The following MUC5AC variants were observed in gnomAD, a reference collection of about 807,000 sequenced individuals.
MUC5AC encodes mucin 5AC, oligomeric mucus/gel-forming, also known as mucin-5AC.
MUC5AC carries 158 observed loss-of-function variants against 169.7 expected under a neutral mutation model. That is an observed-to-expected ratio of 0.93 (90% CI 0.82 to 1.06). The LOEUF (loss-of-function observed/expected upper bound fraction) is 1.06. MUC5AC is among the 50% of genes least tolerant of loss of function. The pLI, the probability that MUC5AC is intolerant of heterozygous loss-of-function variation, is 0.00. For missense variants in MUC5AC, 4,359 were observed against 3,089.9 expected, an observed-to-expected ratio of 1.41 and a Z score of -9.74; for synonymous variants, 1,975 against 1,237.0, an observed-to-expected ratio of 1.60 and a Z score of -12.52.
chr11:1,183,698 C>T lies in MUC5AC; in HGVS notation c.5553C>T (p.Ser1851=). The change falls in exon 31 of 49, where the codon TCC becomes TCT. Residue 1851 remains serine, a synonymous_variant. Transcript: ENST00000621226. The part of the protein sequence containing the change: ...CETPRGCHMT[S]TPGSTSSSPA... The stretch of plus-strand genomic sequence containing the variant: ...CCCCCAGAGGCTGCCACATGACCTC[C>T]ACACCTGGCTCCACCTCTAGCAGTC... 1.6e-6 allele frequency: 1 copy of T among 626,316 alleles called. No individual in the cohort carries two copies. The highest frequency in any genetic ancestry group is 1.9e-5 in the African/African-American group (1 of 53,756). 38.8% of individuals were successfully genotyped at this position (626,316 alleles called of 1,614,324 possible). A position where few individuals can be genotyped will look rare whatever the true frequency, so the allele number is the denominator to read the frequency against.
At position 1,187,264 on chromosome 11, in the gene MUC5AC, C is replaced by G. The variant is rs2133760365; in HGVS notation, c.9119C>G (p.Pro3040Arg). ...SAPTTSTTST[P>R]TSSTTSSPQT... ...CCTACAACCAGCACAACCTCTACCC[C>G]TACAAGCAGCACAACCTCCTCTCCA... Residue 3040 changes from proline (P) to arginine (R), a missense_variant, in exon 31 of 49, where the codon CCT (proline) becomes CGT (arginine). By Grantham distance (103) the Pro-to-Arg change is moderately radical. Coordinates refer to ENST00000621226, the MANE Select transcript of MUC5AC (RefSeq NM_001304359.2). 1.4e-6 allele frequency: 1 copy of G among 696,204 alleles called. No individual in the cohort carries two copies. The highest frequency in any genetic ancestry group is 2.6e-6 in the Non-Finnish European group (1 of 382,254). 43.1% of individuals were successfully genotyped at this position (696,204 alleles called of 1,614,324 possible). A position where few individuals can be genotyped will look rare whatever the true frequency, so the allele number is the denominator to read the frequency against.
intron 15 of MUC5AC, among the ~76,000 whole-genome samples, chr11:1,170,938 TTCACCCACTCACCTACTCAC>T (rs1860496132): frequency 1.2e-5 from 1 of 80,426 alleles, no homozygotes; most frequent in African/African-American, 5.6e-5. Context: ...CACTCACCCA[TTCACCCACTCACCTACTCAC>T]TCACCCACTC....
rs1366807269 is a variant in MUC5AC, at chr11:1,185,882, C to T, written c.7737C>T (p.Ser2579=). The part of the protein sequence containing the change: ...GTTPSPVPTT[S]TTSAPTTSTT... ...CTCCCAGCCCTGTTCCTACCACGAG[C>T]ACAACCTCTGCTCCTACAACCAGCA... is the stretch of plus-strand genomic sequence containing the variant. The change falls in exon 31 of 49, where the codon AGC becomes AGT. Residue 2579 remains serine, a synonymous_variant. Coordinates refer to ENST00000621226, the MANE Select transcript of MUC5AC (RefSeq NM_001304359.2). 5.1e-5 allele frequency: 38 copies of T among 748,234 alleles called. No homozygotes were observed. Among genetic ancestry groups the T allele is most frequent in the Non-Finnish European group, 8.1e-5 (33 of 409,802 alleles). 46.3% of individuals were successfully genotyped at this position (748,234 alleles called of 1,614,324 possible).
intron 6 of MUC5AC, 135 bp from the exon 7 acceptor site, chr11:1,163,747 C>A: frequency 1.5e-6 from 1 of 678,516 alleles, no homozygotes; most frequent in Admixed American, 2.5e-5. Context: ...ACTCAGGCAT[C>A]CAGATGGGGC....
Position 1,186,032 on chromosome 11 carries a change from C to G in MUC5AC, c.7887C>G (p.Ile2629Met), listed in dbSNP as rs1860935174. 1 of 732,994 alleles carries G rather than the reference C, an allele frequency of 1.4e-6. No individual in the cohort carries two copies. The allele number at this position is 732,994 out of a possible 1,614,324, so 45.4% of individuals were successfully genotyped here. The change falls in exon 31 of 49, where the codon ATC (isoleucine) becomes ATG (methionine). Residue 2629 changes from isoleucine (I) to methionine (M), a missense_variant. Coordinates refer to ENST00000621226, the MANE Select transcript of MUC5AC (RefSeq NM_001304359.2). ...CCTCTGCCACTACAACCAGCAGAAT[C>G]TCTGGTCCTGAAACTACTCCCAGCC... ...STTSATTTSRISGPETTPSPV... is the reference protein window; with the variant it reads ...STTSATTTSRMSGPETTPSPV...
chr11:1,171,607 A>G (rs1297847567), intron 15 of MUC5AC, among the ~76,000 whole-genome samples: 156 of 124,490 alleles, frequency 1.3e-3, no homozygotes, highest in African/African-American at 4.7e-3. Context: ...TCACTCACCC[A>G]TTCACCCACT....
chr11:1,188,524 G>A lies in MUC5AC; in HGVS notation c.10379G>A (p.Ser3460Asn). 1.4e-6 allele frequency: 1 copy of A among 722,206 alleles called. No homozygotes were observed. Among genetic ancestry groups the A allele is most frequent in the Non-Finnish European group, 2.5e-6 (1 of 395,688 alleles). The allele number at this position is 722,206 out of a possible 1,614,324, so 44.7% of individuals were successfully genotyped here. Residue 3460 changes from serine to asparagine, a missense_variant, in exon 31 of 49, where the codon AGC (serine) becomes AAC (asparagine). Physicochemically the swap from Ser to Asn is conservative, Grantham distance 46 (BLOSUM62 1). Transcript: ENST00000621226. ...TTTSTTSAPT[S>N]STTSTPQTSK... ...ACCAGCACAACCTCTGCCCCTACAA[G>A]CAGCACAACCTCCACTCCACAGACC...
At chr11:1,163,284 G>C (rs1860200353) in intron 6 of MUC5AC, among the ~76,000 whole-genome samples, 1 of 152,226 alleles carries the variant, frequency 6.6e-6, no homozygotes, top group African/African-American at 2.4e-5. Flanking sequence ...TGGCTGCTCT[G>C]GGTGGCGACC....
rs1466012270 is a variant in MUC5AC, at chr11:1,188,357, C to T, written c.10212C>T (p.Thr3404=). ...PTTSTTSTPQ[T]SISSAPTSST... is the part of the protein sequence containing the mutation. Reference sequence around the variant, plus strand: ...CCAGCACAACCTCCACTCCACAGACCAGCATATCCTCTGCCCCTACAAGCA... The same window carrying T: ...CCAGCACAACCTCCACTCCACAGACTAGCATATCCTCTGCCCCTACAAGCA... The change falls in exon 31 of 49, where the codon ACC becomes ACT. Residue 3404 remains threonine (T), a synonymous_variant. Coordinates refer to ENST00000621226, the MANE Select transcript of MUC5AC (RefSeq NM_001304359.2). 0.16 allele frequency: 107,022 copies of T among 676,500 alleles called. 10,059 individuals are homozygous for T. Among genetic ancestry groups the T allele is most frequent in the Non-Finnish European group, 0.19 (72,348 of 372,630 alleles). The allele number at this position is 676,500 out of a possible 1,614,324, so 41.9% of individuals were successfully genotyped here.
In MUC5AC at chr11:1,189,710, A is replaced by G. The variant is rs1861042094; in HGVS notation, c.11565A>G (p.Ile3855Met). ...TSTTSTPQTS[I>M]SSAPTSSTTS... ...CAACCTCCACTCCACAGACCAGCAT[A>G]TCCTCTGCCCCTACAAGCAGCACAA... Residue 3855 changes from isoleucine (I) to methionine (M), a missense_variant, in exon 31 of 49, where the codon ATA (isoleucine) becomes ATG (methionine). Physicochemically the swap from Ile to Met is conservative, Grantham distance 10 (BLOSUM62 1). Transcript: ENST00000621226. 1.6e-6 allele frequency: 1 copy of G among 637,766 alleles called. No homozygotes were observed. The highest frequency in any genetic ancestry group is 2.8e-6 in the Non-Finnish European group (1 of 352,570). 39.5% of individuals were successfully genotyped at this position (637,766 alleles called of 1,614,324 possible).
chr11:1,159,278 G>C (rs2133709813), intron 1 of MUC5AC, among the ~76,000 whole-genome samples: 1 of 152,118 alleles, frequency 6.6e-6, no homozygotes, highest in Non-Finnish European at 1.5e-5. Context: ...TGGGGTGCAG[G>C]CGAATCACAG....
Position 1,185,398 on chromosome 11 carries a change from CCAGCACAACCTCTGCCCCTACAAG to C in MUC5AC, c.7266_7289del (p.Ala2423_Ser2430del). On this transcript the variant is annotated inframe_deletion, in exon 31 of 49. Transcript: ENST00000621226. ...ACCAGCACAACCTCAGCTCCTACAA[CCAGCACAACCTCTGCCCCTACAAG>C]CAGCACAACCTCCAGTCCACAGACC... is the stretch of plus-strand genomic sequence containing the variant. 1.4e-6 allele frequency: 1 copy of C among 732,614 alleles called. No individual in the cohort carries two copies. The highest frequency in any genetic ancestry group is 2.5e-6 in the Non-Finnish European group (1 of 401,566). The allele number at this position is 732,614 out of a possible 1,614,324, so 45.4% of individuals were successfully genotyped here. A position where few individuals can be genotyped will look rare whatever the true frequency, so the allele number is the denominator to read the frequency against.
intron 16 of MUC5AC, among the ~76,000 whole-genome samples, chr11:1,172,981 C>CTCAT: frequency 6.7e-6 from 1 of 150,218 alleles, no homozygotes; most frequent in East Asian, 2.0e-4. Context: ...CACTCACCCA[C>CTCAT]CCATTCACCC....
intron 1 of MUC5AC, among the ~76,000 whole-genome samples, chr11:1,159,447 G>GT (rs1162159894): frequency 1.4e-5 from 2 of 144,456 alleles, no homozygotes; most frequent in Non-Finnish European, 3.0e-5. Context: ...GGGGGGTCTG[G>GT]TCCCCCCATG....
At chr11:1,165,823 G>A in intron 11 of MUC5AC, 63 bp downstream of exon 11, 1 of 1,598,604 alleles carries the variant, frequency 6.3e-7, no homozygotes, top group Non-Finnish European at 8.5e-7. Context: ...CCTCCCACAG[G>A]CTCCCCCAGC....
At chr11:1,172,292 T>G (rs1860569080) in intron 15 of MUC5AC, 137 bp from the exon 16 acceptor site, 3 of 397,438 alleles carry the variant, frequency 7.5e-6, no homozygotes. Context: ...CCAGGCTGAG[T>G]GTGTAGCAGG....
rs1860887257 is a variant in MUC5AC at position 1,184,644 on chromosome 11, G to A, written c.6499G>A (p.Ala2167Thr). The change falls in exon 31 of 49, where the codon GCC becomes ACC. Residue 2167 changes from alanine (A) to threonine (T), a missense_variant. By Grantham distance (58) the Ala-to-Thr change is moderately conservative (BLOSUM62 0). Transcript: ENST00000621226. ...PEEITRLQCR[A>T]KSHPEVSIEH... ...GGAGATCACCAGGCTCCAGTGCCGAGCCAAGAGCCACCCAGAGGTGAGCAT... is the reference window on the plus strand; with the variant it reads ...GGAGATCACCAGGCTCCAGTGCCGAACCAAGAGCCACCCAGAGGTGAGCAT... The A allele has an allele frequency of 1.5e-6, 1 of 659,506 alleles. No individual in the cohort carries two copies. The highest frequency in any genetic ancestry group is 2.3e-5 in the Admixed American group (1 of 43,230). 40.9% of individuals were successfully genotyped at this position (659,506 alleles called of 1,614,324 possible).
Position 1,177,501 on chromosome 11 carries a change from G to A in MUC5AC, c.2955G>A (p.Thr985=). 2.5e-6 allele frequency: 1 copy of A among 398,740 alleles called. No homozygotes were observed. The highest frequency in any genetic ancestry group is 4.4e-6 in the Non-Finnish European group (1 of 226,144). The allele number at this position is 398,740 out of a possible 1,614,324, so 24.7% of individuals were successfully genotyped here. The part of the protein sequence containing the change: ...LSHGKVEVIG[T]DESQEVPYTI... ...ATGGGAAGGTGGAGGTGATCGGGAC[G>A]GACGAGAGCCAGGAGGTGCCATACA... Residue 985 remains threonine, a synonymous_variant, in exon 24 of 49, where the codon ACG becomes ACA. Coordinates refer to ENST00000621226, the MANE Select transcript of MUC5AC (RefSeq NM_001304359.2).
chr11:1,197,756 G>A (rs1360360602), intron 41 of MUC5AC, 117 bp downstream of exon 41: 9 of 628,940 alleles, frequency 1.4e-5, no homozygotes, highest in South Asian at 8.9e-5. Context: ...CTACGAGGGC[G>A]TCCCCTCCTC....
Sources: gnomAD v4.1 joint callset for allele counts (sites outside exome capture counted in the v4.1 genomes callset) on GRCh38, gnomAD v4.1.1 for gene constraint, MANE v1.5 for transcripts, NCBI Gene and HGNC (gene_info 2026-07-23, HGNC 2026-07-21) for gene names.